Variants in ELAVL2 observed in about 807,000 individuals in gnomAD.
ELAVL2 encodes the protein ELAV-like protein 2.
ELAVL2 carries 4 observed loss-of-function variants against 34.6 expected under a neutral mutation model. The ratio of observed to expected loss-of-function variants is 0.12; its 90% CI spans 0.06 to 0.26. ELAVL2 has a LOEUF of 0.26. Among genes scored for constraint, ELAVL2 ranks in the 10% least tolerant of loss-of-function variants. ELAVL2 has a pLI of 1.00. For synonymous variants in ELAVL2, 193 were observed against 154.8 expected (o/e 1.25, Z -1.83); for missense variants, 432 against 442.8 (o/e 0.98, Z 0.22).
At chr9:23,808,723 C>T (rs1160310154) in intron 1 of ELAVL2, among the ~76,000 whole-genome samples, 1 of 152,272 alleles carries the variant, frequency 6.6e-6, no homozygotes, top group South Asian at 2.1e-4. Context: ...CAAATTGCCA[C>T]ATTTCTTTGA....
At chr9:23,743,451 T>C (rs1033356501) in intron 2 of ELAVL2, among the ~76,000 whole-genome samples, 6 of 152,136 alleles carry the variant, frequency 3.9e-5, no homozygotes, top group African/African-American at 9.7e-5. Context: ...CAATGATTCA[T>C]TAGGACACAA....
intron 1 of ELAVL2, among the ~76,000 whole-genome samples, chr9:23,804,076 T>C (rs575292439): frequency 3.2e-4 from 48 of 152,356 alleles, no homozygotes; most frequent in African/African-American, 1.2e-3. Flanking sequence ...AAGTAATTAG[T>C]AATTCTATTA....
chr9:23,817,599 T>C (rs927637372), intron 1 of ELAVL2, among the ~76,000 whole-genome samples: 1 of 152,216 alleles, frequency 6.6e-6, no homozygotes, highest in East Asian at 1.9e-4. Flanking sequence ...AGAATGCATT[T>C]AGCACAGCGT....
chr9:23,712,919 G>A (rs764097656), intron 3 of ELAVL2, among the ~76,000 whole-genome samples: 8 of 152,178 alleles, frequency 5.3e-5, no homozygotes, highest in Non-Finnish European at 8.8e-5. Context: ...TTGGCTGTAA[G>A]AACTGTATAT....
intron 1 of ELAVL2, among the ~76,000 whole-genome samples, chr9:23,774,174 G>A (rs2057795932): frequency 7.9e-6 from 1 of 126,502 alleles, no homozygotes; most frequent in African/African-American, 3.1e-5. Flanking sequence ...TCGCACCACT[G>A]CACCCCAAGC....
intron 4 of ELAVL2, among the ~76,000 whole-genome samples, chr9:23,703,699 T>TA (rs988994320): frequency 3.9e-5 from 6 of 152,162 alleles, no homozygotes; most frequent in African/African-American, 1.4e-4. Context: ...TTAAAAGAAT[T>TA]AGACATTGTA....
At chr9:23,843,923 A>G in the ELAVL2 span, among the ~76,000 whole-genome samples, 2 of 152,070 alleles carry the variant, frequency 1.3e-5, no homozygotes, top group Non-Finnish European at 2.9e-5. Flanking sequence ...GAGAAATTAC[A>G]CTAATGAATC....
At chr9:23,719,696 G>T (rs1186535491) in intron 3 of ELAVL2, among the ~76,000 whole-genome samples, 1 of 152,034 alleles carries the variant, frequency 6.6e-6, no homozygotes, top group Non-Finnish European at 1.5e-5. Flanking sequence ...TTATAATAGA[G>T]CAAATTCCCA....
At chr9:23,822,528 G>T (rs1185819729) in intron 1 of ELAVL2, among the ~76,000 whole-genome samples, 1 of 152,248 alleles carries the variant, frequency 6.6e-6, no homozygotes, top group Admixed American at 6.5e-5. Context: ...GCCTTGGCCC[G>T]CCCCTTCGCC....
intron 1 of ELAVL2, among the ~76,000 whole-genome samples, chr9:23,824,561 C>G (rs1035278991): frequency 6.6e-6 from 1 of 152,162 alleles, no homozygotes; most frequent in African/African-American, 2.4e-5. Flanking sequence ...CTCACGCACA[C>G]ACTCACCCAC....
At chr9:23,764,896 G>C (rs746715712) in intron 1 of ELAVL2, 6 of 1,090,578 alleles carry the variant, frequency 5.5e-6, no homozygotes, top group Non-Finnish European at 5.4e-6. Flanking sequence ...TAGGTTAAAT[G>C]TAAGAATAAT....
intron 1 of ELAVL2, among the ~76,000 whole-genome samples, chr9:23,767,294 TATATCTC>T (rs2056473840): frequency 6.6e-6 from 1 of 152,232 alleles, no homozygotes; most frequent in Non-Finnish European, 1.5e-5. Context: ...ATAAATGCTT[TATATCTC>T]ATATCTGGGA....
chr9:23,837,485 A>G, the ELAVL2 span, among the ~76,000 whole-genome samples: 4 of 152,304 alleles, frequency 2.6e-5, 1 homozygote, highest in South Asian at 6.2e-4. Flanking sequence ...CTAATCCTCT[A>G]CATGCATTAA....
intron 3 of ELAVL2, among the ~76,000 whole-genome samples, chr9:23,705,614 T>A (rs1239004087): frequency 6.6e-6 from 1 of 152,170 alleles, no homozygotes; most frequent in African/African-American, 2.4e-5. Flanking sequence ...GGAAGACAAT[T>A]TTTCCATGGA....
intron 4 of ELAVL2, 105 bp downstream of exon 4, chr9:23,704,813 C>A: frequency 6.9e-7 from 1 of 1,438,866 alleles, no homozygotes; most frequent in East Asian, 2.3e-5. Flanking sequence ...CCACATATAC[C>A]TTTGATATGT....
chr9:23,703,342 T>C (rs1053265121), intron 4 of ELAVL2, among the ~76,000 whole-genome samples: 1 of 152,234 alleles, frequency 6.6e-6, no homozygotes, highest in African/African-American at 2.4e-5. Flanking sequence ...TCTTTATTTC[T>C]AGGCCTGGAT....
chr9:23,824,738 T>C (rs1212702859), intron 1 of ELAVL2, among the ~76,000 whole-genome samples: 1 of 152,150 alleles, frequency 6.6e-6, no homozygotes, highest in East Asian at 1.9e-4. Flanking sequence ...TCCTAAACCC[T>C]GAGAAATCAC....
chr9:23,790,769 A>T (rs927579842), intron 1 of ELAVL2, among the ~76,000 whole-genome samples: 10 of 152,182 alleles, frequency 6.6e-5, no homozygotes, highest in Non-Finnish European at 1.2e-4. Flanking sequence ...CGCATACCTC[A>T]TTAAGTTCTG....
intron 1 of ELAVL2, among the ~76,000 whole-genome samples, chr9:23,822,912 T>A (rs911482794): frequency 2.0e-5 from 3 of 152,178 alleles, no homozygotes; most frequent in Non-Finnish European, 4.4e-5. Context: ...CCCGCCCCCA[T>A]GCGACGGGCG....
Sources: gnomAD v4.1 joint callset for allele counts (sites outside exome capture counted in the v4.1 genomes callset) on GRCh38, gnomAD v4.1.1 for gene constraint, MANE v1.5 for transcripts, NCBI Gene and HGNC (gene_info 2026-07-23, HGNC 2026-07-21) for gene names.